The following ELK3 variants were observed in gnomAD, a reference collection of about 807,000 sequenced individuals.
The protein encoded by ELK3 is ETS transcription factor ELK3, also known as ETS domain-containing protein Elk-3.
In ELK3, 10 loss-of-function variants were observed where a neutral mutation model predicts 28.9. The observed-to-expected ratio is 0.35, with a 90% CI of 0.21 to 0.59. The LOEUF is 0.59. ELK3 is among the 20% of genes least tolerant of loss of function. The probability of loss-of-function intolerance (pLI) is 0.82; values close to 1 mark genes in which losing one functional copy is unlikely to be tolerated. For synonymous variants in ELK3, 272 were observed against 243.5 expected, an observed-to-expected ratio of 1.12 and a Z score of -1.09; for missense variants, 463 against 517.3, an observed-to-expected ratio of 0.90 and a Z score of 1.02.
chr12:96,209,823 G>A (rs1039189181), intron 1 of ELK3, among the ~76,000 whole-genome samples: 3 of 151,998 alleles, frequency 2.0e-5, no homozygotes, highest in African/African-American at 7.3e-5. Flanking sequence ...TTGATAGTAT[G>A]TAAAGGATAA....
rs577305625 is a variant in ELK3, at chr12:96,264,992, T to G, written c.1126-2090T>G. 2.6e-5 allele frequency among the ~76,000 whole-genome samples: 4 copies of G among 152,306 alleles called. No homozygotes were observed. In the South Asian group the frequency reaches 8.3e-4, roughly 32 times the overall value. On this transcript the variant is annotated intron_variant, in intron 4 of 4. Coordinates refer to ENST00000228741, the MANE Select transcript of ELK3 (RefSeq NM_005230.4). ...AAGTGGTGGAGCCCTGACTCAAGTT[T>G]TAAGTTTGTGGTCCCAGCCACCATT...
chr12:96,262,527 GAC>G (rs1952000285), intron 4 of ELK3, among the ~76,000 whole-genome samples: 1 of 152,046 alleles, frequency 6.6e-6, no homozygotes, highest in South Asian at 2.1e-4. Flanking sequence ...TGAAAAAAAA[GAC>G]AAGCTGGTAT....
chr12:96,259,691 G>A, intron 3 of ELK3, 40 bp from the exon 4 acceptor site: 1 of 1,582,692 alleles, frequency 6.3e-7, no homozygotes. Context: ...CCCAAGTCAG[G>A]TGAACCTATA....
intron 3 of ELK3, among the ~76,000 whole-genome samples, chr12:96,253,168 G>A (rs1477861580): frequency 1.3e-5 from 2 of 152,210 alleles, no homozygotes; most frequent in Non-Finnish European, 2.9e-5. Flanking sequence ...CCTGAGGCAG[G>A]AGAATCACTT....
rs71091236 is a variant in ELK3 at position 96,228,416 on chromosome 12, C to CAAAAAAAAAAAAA, written c.207+4659_207+4671dup. Among the ~76,000 whole-genome samples the CAAAAAAAAAAAAA allele has an allele frequency of 1.2e-3, 80 of 68,312 alleles. 2 individuals carry two copies. The highest frequency in any genetic ancestry group is 8.6e-3 in the East Asian group (16 of 1,850). 44.8% of individuals were successfully genotyped at this position (68,312 alleles called of 152,430 possible). A position where few individuals can be genotyped will look rare whatever the true frequency, so the allele number is the denominator to read the frequency against. On this transcript the variant is annotated intron_variant, in intron 2 of 4. Coordinates refer to ENST00000228741, the MANE Select transcript of ELK3 (RefSeq NM_005230.4). The stretch of plus-strand genomic sequence containing the variant: ...CTGGCGACAGAGTGAGACTCTGTGT[C>CAAAAAAAAAAAAA]AAAAAAAAAAAAAAAAAAAAAAAAA...
chr12:96,238,255 G>C (rs1234004828), intron 2 of ELK3, among the ~76,000 whole-genome samples: 4 of 152,250 alleles, frequency 2.6e-5, no homozygotes, highest in Non-Finnish European at 5.9e-5. Flanking sequence ...CTGTGTGAGT[G>C]AGGCACTGAC....
chr12:96,207,482 C>T (rs773699167), intron 1 of ELK3, among the ~76,000 whole-genome samples: 2 of 152,160 alleles, frequency 1.3e-5, no homozygotes, highest in South Asian at 2.1e-4. Flanking sequence ...TCTTCCAAAG[C>T]GAATGTATTA....
chr12:96,206,198 A>G (rs1027906409), intron 1 of ELK3, among the ~76,000 whole-genome samples: 2 of 152,210 alleles, frequency 1.3e-5, no homozygotes, highest in Non-Finnish European at 2.9e-5. Flanking sequence ...TTTGTCTTTC[A>G]GAAAGGAGAA....
rs1952045277 is a variant in ELK3 at position 96,267,536 on chromosome 12, G to A, written c.*356G>A. On this transcript the variant is annotated 3_prime_UTR_variant, in exon 5 of 5. Transcript: ENST00000228741. ...TTTAGTTCTGAGTATGCTAAACTGT[G>A]TGCTTATATAGACTATAACCAGTTG... The A allele has an allele frequency of 5.7e-6, 1 of 174,118 alleles. No homozygotes were observed. Among genetic ancestry groups the A allele is most frequent in the Non-Finnish European group, 1.2e-5 (1 of 80,816 alleles). 10.8% of individuals were successfully genotyped at this position (174,118 alleles called of 1,614,324 possible).
chr12:96,237,361 G>T (rs369291552), intron 2 of ELK3, among the ~76,000 whole-genome samples: 3 of 152,196 alleles, frequency 2.0e-5, no homozygotes, highest in Non-Finnish European at 4.4e-5. Context: ...GTTTGAGCCC[G>T]TGAGTCCAGG....
At chr12:96,239,612 G>C (rs973176370) in intron 2 of ELK3, among the ~76,000 whole-genome samples, 1 of 152,174 alleles carries the variant, frequency 6.6e-6, no homozygotes, top group Non-Finnish European at 1.5e-5. Context: ...TTCACGTAGG[G>C]TATCTACCAC....
At chr12:96,207,174 T>C (rs1385900852) in intron 1 of ELK3, among the ~76,000 whole-genome samples, 1 of 152,230 alleles carries the variant, frequency 6.6e-6, no homozygotes, top group East Asian at 1.9e-4. Context: ...AGGGCTGTGC[T>C]TGTACTTTTA....
intron 3 of ELK3, among the ~76,000 whole-genome samples, chr12:96,258,050 C>G (rs1188026613): frequency 6.6e-6 from 1 of 152,166 alleles, no homozygotes; most frequent in Admixed American, 6.5e-5. Context: ...TCCCAACAAC[C>G]CTGTAACGTG....
At chr12:96,250,981 C>T (rs1357086495) in intron 3 of ELK3, among the ~76,000 whole-genome samples, 3 of 152,154 alleles carry the variant, frequency 2.0e-5, no homozygotes, top group Admixed American at 6.5e-5. Flanking sequence ...TACAGGCATC[C>T]CTCATTTTAC....
At chr12:96,242,367 GATA>G (rs1394128572) in intron 2 of ELK3, among the ~76,000 whole-genome samples, 1 of 152,226 alleles carries the variant, frequency 6.6e-6, no homozygotes, top group African/African-American at 2.4e-5. Flanking sequence ...CCAAAATGGG[GATA>G]ATAATCATTC....
At chr12:96,251,808 GGT>G (rs1280142580) in intron 3 of ELK3, among the ~76,000 whole-genome samples, 1 of 152,190 alleles carries the variant, frequency 6.6e-6, no homozygotes, top group Non-Finnish European at 1.5e-5. Flanking sequence ...AGCAGAGGTT[GGT>G]TCATGAGGTT....
chr12:96,194,904 G>A (rs1389123300), intron 1 of ELK3, among the ~76,000 whole-genome samples, 199 bp downstream of exon 1: 1 of 146,848 alleles, frequency 6.8e-6, no homozygotes, highest in Admixed American at 6.7e-5. Context: ...GGATGCTCCT[G>A]CGCCCGCGTC....
chr12:96,231,609 C>T (rs1450978963), intron 2 of ELK3, among the ~76,000 whole-genome samples: 1 of 152,218 alleles, frequency 6.6e-6, no homozygotes, highest in Admixed American at 6.5e-5. Context: ...TCTCCTGCCT[C>T]AGCCTCCCGA....
chr12:96,238,198 T>A (rs1329803485), intron 2 of ELK3, among the ~76,000 whole-genome samples: 1 of 152,206 alleles, frequency 6.6e-6, no homozygotes, highest in Non-Finnish European at 1.5e-5. Flanking sequence ...GATTAGATTA[T>A]TGCATGCTAA....
Sources: gnomAD v4.1 joint callset for allele counts (sites outside exome capture counted in the v4.1 genomes callset) on GRCh38, gnomAD v4.1.1 for gene constraint, MANE v1.5 for transcripts, NCBI Gene and HGNC (gene_info 2026-07-23, HGNC 2026-07-21) for gene names.